Variants in ULK4 observed in about 807,000 individuals in gnomAD.
The protein encoded by ULK4 is unc-51 like kinase 4.
ULK4 carries 133 observed loss-of-function variants against 160.6 expected under a neutral mutation model. The ratio of observed to expected loss-of-function variants is 0.83; its 90% CI spans 0.72 to 0.96. ULK4 has a LOEUF of 0.96. Ranked by LOEUF, ULK4 falls within the 40% of genes least tolerant of loss-of-function variation. The pLI, the probability that ULK4 is intolerant of heterozygous loss-of-function variation, is 0.00. For missense variants in ULK4, 1,580 were observed against 1,499.5 expected, an observed-to-expected ratio of 1.05 and a Z score of -0.89; for synonymous variants, 534 against 539.8, an observed-to-expected ratio of 0.99 and a Z score of 0.15.
At chr3:41,729,104 C>T (rs932673775) in intron 22 of ULK4, among the ~76,000 whole-genome samples, 2 of 152,178 alleles carry the variant, frequency 1.3e-5, no homozygotes, top group Non-Finnish European at 2.9e-5. Flanking sequence ...CGCTGAAGTA[C>T]AGCAGGGGAG....
Position 41,504,990 on chromosome 3 carries a change from G to T in ULK4, c.3227-41737C>A, listed in dbSNP as rs1204889547. On this transcript the variant is annotated intron_variant, in intron 32 of 36. Transcript: ENST00000301831. ...ATATTATCCCCATCTTACAGATGAG[G>T]AAGAAGTTCAGACATGTGCCTGGGC... 2.0e-5 allele frequency among the ~76,000 whole-genome samples: 3 copies of T among 152,112 alleles called. No individual in the cohort carries two copies. The East Asian group carries it at 5.8e-4, about 29-fold the overall frequency.
intron 17 of ULK4, among the ~76,000 whole-genome samples, chr3:41,873,873 T>C (rs113922788): frequency 9.6e-6 from 1 of 104,216 alleles, no homozygotes; most frequent in African/African-American, 3.4e-5. Flanking sequence ...GTTTTTGTGG[T>C]TTTTTTTGTT....
At chr3:41,530,656 T>C (rs1252385262) in intron 32 of ULK4, among the ~76,000 whole-genome samples, 1 of 152,218 alleles carries the variant, frequency 6.6e-6, no homozygotes, top group Non-Finnish European at 1.5e-5. Context: ...AATTTTTGCT[T>C]CATTTCACTG....
At chr3:41,430,127 T>C (rs1372462273) in intron 34 of ULK4, among the ~76,000 whole-genome samples, 1 of 152,192 alleles carries the variant, frequency 6.6e-6, no homozygotes, top group African/African-American at 2.4e-5. Flanking sequence ...AAAAGGGTTA[T>C]TTCCATTAAA....
intron 22 of ULK4, among the ~76,000 whole-genome samples, chr3:41,739,960 CTT>C (rs2038188488): frequency 6.6e-6 from 1 of 151,840 alleles, no homozygotes; most frequent in African/African-American, 2.4e-5. Context: ...AATTTTACAG[CTT>C]TTGTTAGCAT....
chr3:41,384,500 G>A (rs530325409), intron 35 of ULK4, among the ~76,000 whole-genome samples: 1 of 152,226 alleles, frequency 6.6e-6, no homozygotes, highest in Admixed American at 6.5e-5. Flanking sequence ...GACCAGCCTG[G>A]GCAATATAGG....
chr3:41,376,947 A>T (rs1039635616), intron 35 of ULK4, among the ~76,000 whole-genome samples: 33 of 150,476 alleles, frequency 2.2e-4, no homozygotes, highest in African/African-American at 7.7e-4. Context: ...ACAAAGCTGG[A>T]GGCATCACAC....
intron 35 of ULK4, among the ~76,000 whole-genome samples, chr3:41,284,526 A>G (rs901657789): frequency 3.3e-5 from 5 of 152,234 alleles, no homozygotes; most frequent in African/African-American, 1.2e-4. Context: ...TGGTGCTGGG[A>G]TAACTGGCTA....
intron 30 of ULK4, among the ~76,000 whole-genome samples, chr3:41,628,866 T>C (rs1191230088): frequency 2.0e-5 from 3 of 152,176 alleles, no homozygotes; most frequent in African/African-American, 7.2e-5. Flanking sequence ...TAAAATTATT[T>C]GAAAGTTTAA....
intron 8 of ULK4, among the ~76,000 whole-genome samples, chr3:41,914,512 T>A (rs991994631): frequency 3.9e-5 from 6 of 152,200 alleles, no homozygotes; most frequent in African/African-American, 1.4e-4. Flanking sequence ...AGGAAATGTA[T>A]CAAACTTTTT....
intron 35 of ULK4, among the ~76,000 whole-genome samples, chr3:41,390,813 C>T (rs113027428): frequency 0.026 from 3,905 of 152,014 alleles, 162 homozygotes; most frequent in African/African-American, 0.087. Flanking sequence ...GGAATAGGTG[C>T]GGTGTGGTGC....
chr3:41,795,628 G>A (rs539160046), intron 20 of ULK4, among the ~76,000 whole-genome samples: 5 of 152,210 alleles, frequency 3.3e-5, no homozygotes, highest in South Asian at 2.1e-4. Context: ...ACCTTAAAGC[G>A]GTCATCAATT....
Position 41,259,770 on chromosome 3 carries a change from A to C in ULK4, c.3679-10196T>G, listed in dbSNP as rs375298118. ...GTGGTACTTTGTTTATGAGTGTGCA[A>C]TAATATATGTCAATATCTGTAGTGA... On this transcript the variant is annotated intron_variant, in intron 35 of 36. Transcript: ENST00000301831. 2.0e-5 allele frequency: 3 copies of C among 152,180 alleles called. No individual in the cohort carries two copies. The East Asian group carries it at 5.8e-4, about 29-fold the overall frequency. 9.4% of individuals were successfully genotyped at this position (152,180 alleles called of 1,614,324 possible). A position where few individuals can be genotyped will look rare whatever the true frequency, so the allele number is the denominator to read the frequency against.
At chr3:41,851,933 C>G (rs1045202339) in intron 17 of ULK4, among the ~76,000 whole-genome samples, 1 of 151,914 alleles carries the variant, frequency 6.6e-6, no homozygotes, top group Non-Finnish European at 1.5e-5. Context: ...ACAAAAAAAC[C>G]CTTCAAAAAA....
chr3:41,462,092 CTAA>C (rs1277661674), intron 33 of ULK4, among the ~76,000 whole-genome samples: 1 of 152,118 alleles, frequency 6.6e-6, no homozygotes, highest in Non-Finnish European at 1.5e-5. Flanking sequence ...TACTTAGTAA[CTAA>C]TAATATTTGT....
At chr3:41,869,686 C>T (rs58546946) in intron 17 of ULK4, among the ~76,000 whole-genome samples, 6,500 of 152,250 alleles carry the variant, frequency 0.043, 428 homozygotes, top group African/African-American at 0.15. Flanking sequence ...TCCTCCAACC[C>T]TTTGTACAAC....
intron 29 of ULK4, among the ~76,000 whole-genome samples, chr3:41,681,060 C>T (rs1214631851): frequency 6.6e-6 from 1 of 152,134 alleles, no homozygotes; most frequent in African/African-American, 2.4e-5. Context: ...TCCACCCAAC[C>T]CCTGAGAAAG....
At chr3:41,355,494 C>T (rs185584235) in intron 35 of ULK4, among the ~76,000 whole-genome samples, 55 of 152,292 alleles carry the variant, frequency 3.6e-4, no homozygotes, top group South Asian at 2.7e-3. Flanking sequence ...GATAGAAAGT[C>T]TTCAGGGCAG....
At chr3:41,323,817 C>A (rs1020841473) in intron 35 of ULK4, among the ~76,000 whole-genome samples, 11 of 151,972 alleles carry the variant, frequency 7.2e-5, no homozygotes, top group African/African-American at 2.7e-4. Flanking sequence ...TTTAAAAGCA[C>A]CAAGGCATAG....
Sources: allele counts gnomAD v4.1 joint callset (sites outside exome capture counted in the v4.1 genomes callset), GRCh38; gene constraint gnomAD v4.1.1; transcripts MANE v1.5; gene names NCBI Gene and HGNC (gene_info 2026-07-23, HGNC 2026-07-21).